NAPB: variants seen among roughly 807,000 people sequenced by gnomAD.
NAPB encodes the protein NSF attachment protein beta.
Under a neutral mutation model 44.7 loss-of-function variants are expected in NAPB, and 26 were observed. The ratio of observed to expected loss-of-function variants is 0.58; its 90% CI spans 0.43 to 0.81. The LOEUF is 0.81. NAPB is among the 30% of genes least tolerant of loss of function. The pLI is 0.00. For missense variants in NAPB, 315 were observed against 356.4 expected (o/e 0.88, Z 0.94); for synonymous variants, 120 against 116.8 (o/e 1.03, Z -0.18).
intron 1 of NAPB, among the ~76,000 whole-genome samples, chr20:23,413,008 A>G (rs1327933865): frequency 1.3e-5 from 2 of 152,084 alleles, no homozygotes; most frequent in African/African-American, 2.4e-5. Context: ...TAAAGTGTAC[A>G]TGGGTGCTGG....
rs1056223720 is a variant in NAPB at position 23,385,548 on chromosome 20, C to T, written c.562-4231G>A. On this transcript the variant is annotated intron_variant, in intron 7 of 10. Transcript: ENST00000377026. The stretch of plus-strand genomic sequence containing the variant: ...GACAAGGCAGGCAGATCATTTGAGG[C>T]CAGGAATTCGAGACCAGCCTAGCCA... Among the ~76,000 whole-genome samples, 9 of 151,964 alleles carry T rather than the reference C, an allele frequency of 5.9e-5. No homozygotes were observed. The South Asian group carries it at 6.2e-4, about 11-fold the overall frequency.
Position 23,421,436 on chromosome 20 carries a change from C to G in NAPB, c.-34G>C, listed in dbSNP as rs1034209509. The G allele has an allele frequency of 1.2e-5, 18 of 1,531,894 alleles. No homozygotes were observed. Among genetic ancestry groups the G allele is most frequent in the Admixed American group, 4.0e-5 (2 of 49,794 alleles). 94.9% of individuals were successfully genotyped at this position (1,531,894 alleles called of 1,614,324 possible). On this transcript the variant is annotated 5_prime_UTR_variant, in exon 1 of 11. Coordinates refer to ENST00000377026, the MANE Select transcript of NAPB (RefSeq NM_022080.3). ...CCGCGGCCGCCACAGCCCCCTCAGC[C>G]GGCTCGCTGTGCGCCCAGGCGCCTT...
intron 2 of NAPB, among the ~76,000 whole-genome samples, chr20:23,400,860 C>T (rs1370968227): frequency 1.3e-5 from 2 of 152,050 alleles, no homozygotes; most frequent in African/African-American, 4.8e-5. Flanking sequence ...TAAAAACACA[C>T]AAACATGGCC....
chr20:23,385,771 G>A (rs1340242933), intron 7 of NAPB, among the ~76,000 whole-genome samples: 1 of 151,776 alleles, frequency 6.6e-6, no homozygotes, highest in Non-Finnish European at 1.5e-5. Flanking sequence ...GAAAGAGAGA[G>A]AGAGAGAGAG....
chr20:23,392,798 T>C (rs1342660560), intron 5 of NAPB, among the ~76,000 whole-genome samples: 3 of 151,868 alleles, frequency 2.0e-5, no homozygotes, highest in African/African-American at 7.3e-5. Flanking sequence ...GGTAGGATTA[T>C]AGGCATCAGC....
intron 2 of NAPB, among the ~76,000 whole-genome samples, chr20:23,401,746 T>C (rs1314341376): frequency 6.6e-6 from 1 of 152,120 alleles, no homozygotes; most frequent in African/African-American, 2.4e-5. Context: ...CTGGGCGTGG[T>C]GGCGCGTGCC....
At chr20:23,399,251 A>G (rs557172219) in intron 2 of NAPB, among the ~76,000 whole-genome samples, 37 of 152,256 alleles carry the variant, frequency 2.4e-4, no homozygotes, top group African/African-American at 8.9e-4. Flanking sequence ...TCCCCCCAAA[A>G]TTTGTATTAC....
chr20:23,399,502 G>A (rs1276619392), intron 2 of NAPB, among the ~76,000 whole-genome samples: 1 of 152,176 alleles, frequency 6.6e-6, no homozygotes, highest in African/African-American at 2.4e-5. Context: ...CCAGCCTCCA[G>A]AACTCTGAAC....
intron 1 of NAPB, among the ~76,000 whole-genome samples, chr20:23,407,218 G>C (rs1278776393): frequency 6.6e-6 from 1 of 152,152 alleles, no homozygotes; most frequent in Non-Finnish European, 1.5e-5. Context: ...AGGTACTTTT[G>C]AAATTACACC....
At chr20:23,404,849 G>A (rs1985119747) in intron 1 of NAPB, among the ~76,000 whole-genome samples, 1 of 152,114 alleles carries the variant, frequency 6.6e-6, no homozygotes, top group Non-Finnish European at 1.5e-5. Flanking sequence ...TCTGTCAAAA[G>A]ACAAAAAATA....
At chr20:23,406,592 T>G (rs1985273964) in intron 1 of NAPB, among the ~76,000 whole-genome samples, 1 of 152,130 alleles carries the variant, frequency 6.6e-6, no homozygotes, top group South Asian at 2.1e-4. Context: ...GCTACAGCTT[T>G]CTCTCACACC....
In NAPB at chr20:23,407,864, G is replaced by A. The variant is rs376180042; in HGVS notation, c.99-4792C>T. Among the ~76,000 whole-genome samples the A allele has an allele frequency of 2.0e-5, 3 of 152,160 alleles. No homozygotes were observed. In the South Asian group the frequency reaches 6.2e-4, roughly 31 times the overall value. The stretch of plus-strand genomic sequence containing the variant: ...TCATCTTCAAATAATCTAAAATCTT[G>A]ATTTCCCCCATCCTGAATAATAACT... On this transcript the variant is annotated intron_variant, in intron 1 of 10. Transcript: ENST00000377026.
chr20:23,421,230 G>A lies in NAPB; in HGVS notation c.98+75C>T, dbSNP rs1259513442. On this transcript the variant is annotated intron_variant, in intron 1 of 10. Coordinates refer to ENST00000377026, the MANE Select transcript of NAPB (RefSeq NM_022080.3). Reference sequence around the variant, plus strand: ...CCCCAGAGGTTGCGTGGGGGACTCGGGGGGTCAGCCTGAAAGGAAGGGGGC... The same window carrying A: ...CCCCAGAGGTTGCGTGGGGGACTCGAGGGGTCAGCCTGAAAGGAAGGGGGC... 3.0e-6 allele frequency: 4 copies of A among 1,325,814 alleles called. No individual in the cohort carries two copies. The East Asian group carries it at 1.1e-4, about 36-fold the overall frequency. The allele number at this position is 1,325,814 out of a possible 1,614,324, so 82.1% of individuals were successfully genotyped here. A position where few individuals can be genotyped will look rare whatever the true frequency, so the allele number is the denominator to read the frequency against.
chr20:23,390,142 T>C, intron 6 of NAPB, 67 bp downstream of exon 6: 1 of 1,522,066 alleles, frequency 6.6e-7, no homozygotes, highest in South Asian at 1.1e-5. Flanking sequence ...TCACAAAGTA[T>C]AAAGAAGTAT....
rs746725708 is a variant in NAPB at position 23,421,451 on chromosome 20, C to T, written c.-49G>A. The T allele has an allele frequency of 2.0e-6, 3 of 1,513,174 alleles. No homozygotes were observed. Among genetic ancestry groups the T allele is most frequent in the East Asian group, 2.6e-5 (1 of 38,884 alleles). The allele number at this position is 1,513,174 out of a possible 1,614,324, so 93.7% of individuals were successfully genotyped here. ...CCCCCTCAGCCGGCTCGCTGTGCGC[C>T]CAGGCGCCTTAACCCTCCCTCTGGC... On this transcript the variant is annotated 5_prime_UTR_variant, in exon 1 of 11. Transcript: ENST00000377026.
chr20:23,378,323 C>T (rs1480594792), intron 10 of NAPB, among the ~76,000 whole-genome samples: 3 of 150,240 alleles, frequency 2.0e-5, no homozygotes, highest in Non-Finnish European at 4.4e-5. Context: ...GGATCTGTTT[C>T]AAAATATATA....
rs547076012 is a variant in NAPB, at chr20:23,403,136, AATGATTAAC to A, written c.99-73_99-65del. The A allele has an allele frequency of 1.2e-4, 137 of 1,161,004 alleles. 4 individuals carry two copies. In the African/African-American group the frequency reaches 1.5e-3, roughly 13 times the overall value. 71.9% of individuals were successfully genotyped at this position (1,161,004 alleles called of 1,614,324 possible). A position where few individuals can be genotyped will look rare whatever the true frequency, so the allele number is the denominator to read the frequency against. On this transcript the variant is annotated intron_variant, in intron 1 of 10. Coordinates refer to ENST00000377026, the MANE Select transcript of NAPB (RefSeq NM_022080.3). Reference sequence around the variant, plus strand: ...CACATCTCTAATTCTCCCTCCCTCAAATGATTAACATTTAGTATATACTTGCTATGTGCC... The same window carrying A: ...CACATCTCTAATTCTCCCTCCCTCAAATTTAGTATATACTTGCTATGTGCC...
intron 3 of NAPB, among the ~76,000 whole-genome samples, chr20:23,395,972 A>C (rs1984327191): frequency 6.6e-6 from 1 of 152,206 alleles, no homozygotes; most frequent in South Asian, 2.1e-4. Context: ...ATTTCCCTCT[A>C]AACTACATAA....
intron 7 of NAPB, among the ~76,000 whole-genome samples, chr20:23,384,110 G>T (rs1018135740): frequency 1.3e-5 from 2 of 152,064 alleles, no homozygotes; most frequent in Non-Finnish European, 2.9e-5. Flanking sequence ...GTATTCTTAG[G>T]AATTCAACAC....
Sources: allele counts gnomAD v4.1 joint callset (sites outside exome capture counted in the v4.1 genomes callset), GRCh38; gene constraint gnomAD v4.1.1; transcripts MANE v1.5; gene names NCBI Gene and HGNC (gene_info 2026-07-23, HGNC 2026-07-21).